INSC: variants seen among roughly 807,000 people sequenced by gnomAD.
The protein encoded by INSC is INSC spindle orientation adaptor protein.
A neutral mutation model predicts 58.6 loss-of-function variants in INSC; 67 were observed. The observed-to-expected ratio is 1.14, with a 90% CI of 0.94 to 1.40. The LOEUF (loss-of-function observed/expected upper bound fraction) is 1.40. Ranked by LOEUF, INSC falls within the 40% of genes most tolerant of loss-of-function variation. The pLI, the probability that INSC is intolerant of heterozygous loss-of-function variation, is 0.00. For missense variants in INSC, 714 were observed against 692.0 expected (o/e 1.03, Z -0.36); for synonymous variants, 262 against 276.1 (o/e 0.95, Z 0.51).
intron 2 of INSC, among the ~76,000 whole-genome samples, chr11:15,153,302 A>G (rs1848709118): frequency 6.6e-6 from 1 of 152,250 alleles, no homozygotes; most frequent in African/African-American, 2.4e-5. Context: ...TTGGAGTATG[A>G]GATGAGCCTG....
At chr11:15,189,953 T>G (rs1345419484) in intron 5 of INSC, among the ~76,000 whole-genome samples, 1 of 152,246 alleles carries the variant, frequency 6.6e-6, no homozygotes, top group East Asian at 1.9e-4. Flanking sequence ...TTGTATCTTT[T>G]TTGTTAATGA....
chr11:15,138,305 G>A (rs1848293637), intron 1 of INSC, among the ~76,000 whole-genome samples: 1 of 152,132 alleles, frequency 6.6e-6, no homozygotes, highest in South Asian at 2.1e-4. Flanking sequence ...CATAAAGTGA[G>A]CACATACTAC....
upstream of INSC, chr11:15,112,398 G>A: frequency 1.5e-6 from 2 of 1,328,234 alleles, no homozygotes; most frequent in Non-Finnish European, 2.1e-6. Flanking sequence ...AGAAGGGTGG[G>A]CAAAGGGAAA....
chr11:15,181,426 C>A (rs1387026042), intron 5 of INSC, among the ~76,000 whole-genome samples: 1 of 152,124 alleles, frequency 6.6e-6, no homozygotes, highest in East Asian at 1.9e-4. Flanking sequence ...ACCCCCTTCA[C>A]CCCAGTATTA....
At chr11:15,267,578 T>C in the INSC span, among the ~76,000 whole-genome samples, 8,219 of 152,052 alleles carry the variant, frequency 0.054, 340 homozygotes, top group Middle Eastern at 0.14. Context: ...TCTCTAGATG[T>C]TCAATTTGGG....
intron 1 of INSC, among the ~76,000 whole-genome samples, chr11:15,116,191 A>C (rs1428578624): frequency 6.6e-6 from 1 of 152,202 alleles, no homozygotes; most frequent in East Asian, 1.9e-4. Context: ...TTTGGAAGGC[A>C]AGCCAGGTCA....
intron 1 of INSC, among the ~76,000 whole-genome samples, chr11:15,122,352 T>C (rs751093647): frequency 2.6e-5 from 4 of 152,116 alleles, no homozygotes; most frequent in Non-Finnish European, 5.9e-5. Flanking sequence ...ATTCATACAG[T>C]AATTACCAGG....
chr11:15,141,308 G>A (rs527674938), intron 1 of INSC, among the ~76,000 whole-genome samples: 1 of 152,298 alleles, frequency 6.6e-6, no homozygotes, highest in South Asian at 2.1e-4. Flanking sequence ...TTAATCAGGT[G>A]GAGGCTTGGG....
At chr11:15,135,005 T>C (rs1438712455) in intron 1 of INSC, among the ~76,000 whole-genome samples, 1 of 152,146 alleles carries the variant, frequency 6.6e-6, no homozygotes, top group Admixed American at 6.5e-5. Flanking sequence ...TCTTTATTCC[T>C]ATTTGGAGGG....
chr11:15,187,226 T>A (rs1180544765), intron 5 of INSC, among the ~76,000 whole-genome samples: 1 of 152,224 alleles, frequency 6.6e-6, no homozygotes, highest in Non-Finnish European at 1.5e-5. Context: ...AGGCCTTTTA[T>A]GACCTGGCCT....
intron 1 of INSC, among the ~76,000 whole-genome samples, chr11:15,141,135 A>G (rs1037039499): frequency 1.2e-4 from 19 of 152,080 alleles, no homozygotes; most frequent in Non-Finnish European, 2.6e-4. Context: ...AGGCCCCCCT[A>G]CTAGTTCTCA....
chr11:15,226,534 C>T (rs1851645934), intron 9 of INSC, among the ~76,000 whole-genome samples: 1 of 152,194 alleles, frequency 6.6e-6, no homozygotes, highest in Non-Finnish European at 1.5e-5. Context: ...CACATCACCA[C>T]CAAGGAGTGG....
chr11:15,142,560 T>A (rs1848395402), intron 1 of INSC, among the ~76,000 whole-genome samples: 1 of 152,238 alleles, frequency 6.6e-6, no homozygotes, highest in South Asian at 2.1e-4. Context: ...GAAGCTTGTT[T>A]GTCCCGCTTC....
In INSC at chr11:15,246,302, A is replaced by G; in HGVS notation, c.*262A>G. ...TGAAATTCGTAATGACAAATATGAC[A>G]AATTGTCATGGGTGATTCCACTTCA... On this transcript the variant is annotated 3_prime_UTR_variant, in exon 13 of 13. Coordinates refer to ENST00000379556, the MANE Select transcript of INSC (RefSeq NM_001042536.3). 2 of 290,422 alleles carry G rather than the reference A, an allele frequency of 6.9e-6. No individual in the cohort carries two copies. Among genetic ancestry groups the G allele is most frequent in the East Asian group, 6.5e-5 (1 of 15,496 alleles). The allele number at this position is 290,422 out of a possible 1,614,324, so 18.0% of individuals were successfully genotyped here.
chr11:15,241,460 G>T (rs1386351654), intron 12 of INSC: 2 of 644,550 alleles, frequency 3.1e-6, no homozygotes, highest in African/African-American at 1.8e-5. Context: ...GACCTGTCTT[G>T]GTTGTACCAT....
At chr11:15,253,397 A>G in the INSC span, among the ~76,000 whole-genome samples, 1 of 152,176 alleles carries the variant, frequency 6.6e-6, no homozygotes. Flanking sequence ...AAGATCCTTC[A>G]TGAGAGGACT....
chr11:15,151,372 A>G (rs1409126783), intron 2 of INSC, among the ~76,000 whole-genome samples: 6 of 152,200 alleles, frequency 3.9e-5, no homozygotes, highest in Admixed American at 3.3e-4. Flanking sequence ...CCTGGTGCCA[A>G]CAAGGTTAGG....
At chr11:15,131,961 C>T (rs1466147111) in intron 1 of INSC, among the ~76,000 whole-genome samples, 2 of 152,104 alleles carry the variant, frequency 1.3e-5, no homozygotes, top group East Asian at 1.9e-4. Flanking sequence ...AATGTGATTA[C>T]TATTACACAT....
chr11:15,231,264 A>T (rs1016264262), intron 9 of INSC, among the ~76,000 whole-genome samples: 3 of 152,196 alleles, frequency 2.0e-5, no homozygotes, highest in Admixed American at 6.5e-5. Flanking sequence ...TGGAGGGAAG[A>T]GGGTGGAGAG....
Sources: allele counts gnomAD v4.1 joint callset (sites outside exome capture counted in the v4.1 genomes callset), GRCh38; gene constraint gnomAD v4.1.1; transcripts MANE v1.5; gene names NCBI Gene and HGNC (gene_info 2026-07-23, HGNC 2026-07-21).